The following PRDM1 variants were observed in gnomAD, a reference collection of about 807,000 sequenced individuals.
The protein encoded by PRDM1 is PR domain zinc finger protein 1.
PRDM1 carries 13 observed loss-of-function variants against 62.8 expected under a neutral mutation model. The ratio of observed to expected loss-of-function variants is 0.21; its 90% confidence interval spans 0.13 to 0.33. The LOEUF is 0.33. Ranked by LOEUF, PRDM1 falls within the 10% of genes least tolerant of loss-of-function variation. PRDM1 has a pLI of 1.00. For missense variants in PRDM1, 895 were observed against 1,058.8 expected, an observed-to-expected ratio of 0.85 and a Z score of 2.15; for synonymous variants, 396 against 417.6, an observed-to-expected ratio of 0.95 and a Z score of 0.63.
At chr6:106,003,145 C>T (rs946493872) in intron 1 of PRDM1, among the ~76,000 whole-genome samples, 1 of 152,178 alleles carries the variant, frequency 6.6e-6, no homozygotes, top group African/African-American at 2.4e-5. Flanking sequence ...TTCATTCACT[C>T]ATCATACATA....
intron 1 of PRDM1, among the ~76,000 whole-genome samples, chr6:106,074,335 C>T (rs72941674): frequency 0.069 from 10,539 of 152,206 alleles, 500 homozygotes; most frequent in Middle Eastern, 0.11. Flanking sequence ...TAATTTCCCA[C>T]GTACCAAACA....
intron 1 of PRDM1, among the ~76,000 whole-genome samples, chr6:106,080,021 G>A (rs1357057580): frequency 1.3e-5 from 2 of 152,200 alleles, no homozygotes; most frequent in Non-Finnish European, 2.9e-5. Context: ...TTGGATTCTA[G>A]GAGATTCTGG....
intron 1 of PRDM1, among the ~76,000 whole-genome samples, chr6:106,065,244 T>A (rs2114596200): frequency 6.6e-6 from 1 of 152,300 alleles, no homozygotes; most frequent in African/African-American, 2.4e-5. Flanking sequence ...GCAATCCTCC[T>A]GCCTCAGCCT....
intron 1 of PRDM1, among the ~76,000 whole-genome samples, chr6:106,070,590 G>C (rs1025074703): frequency 3.2e-5 from 4 of 123,448 alleles, no homozygotes; most frequent in Admixed American, 9.8e-5. Context: ...TTTGGTCAAA[G>C]GTTATAAATC....
rs1374309619 is a variant in PRDM1, at chr6:106,088,339, A to G, written c.181A>G (p.Ile61Val). 1 of 1,614,142 alleles carries G rather than the reference A, an allele frequency of 6.2e-7. No homozygotes were observed. Among genetic ancestry groups the G allele is most frequent in the Non-Finnish European group, 8.5e-7 (1 of 1,180,028 alleles). The change falls in exon 2 of 7, where the codon ATT becomes GTT. Residue 61 changes from isoleucine to valine, a missense_variant. Transcript: ENST00000369096. The stretch of plus-strand genomic sequence containing the variant: ...TGAGTTTGAAGAGAAGTGTACATAC[A>G]TTGTGAACGACCACCCCTGGGATTC... ...EAEFEEKCTY[I>V]VNDHPWDSGA...
intron 1 of PRDM1, among the ~76,000 whole-genome samples, chr6:106,067,370 T>C (rs1274688524): frequency 1.3e-5 from 2 of 152,150 alleles, no homozygotes; most frequent in African/African-American, 4.8e-5. Flanking sequence ...AAGCTAAATA[T>C]AGAATTACCA....
At chr6:106,005,213 G>C (rs1303354119) in intron 1 of PRDM1, among the ~76,000 whole-genome samples, 1 of 152,214 alleles carries the variant, frequency 6.6e-6, no homozygotes, top group East Asian at 1.9e-4. Flanking sequence ...CCATTTTCAT[G>C]TGCTAATGAA....
Position 106,022,935 on chromosome 6 carries a change from T to G in PRDM1, c.-67+29296T>G, listed in dbSNP as rs116515638. Among the ~76,000 whole-genome samples, 1,133 of 152,310 alleles carry G rather than the reference T, an allele frequency of 7.4e-3. 10 individuals are homozygous for G. The highest frequency in any genetic ancestry group is 0.026 in the African/African-American group (1,077 of 41,548). On this transcript the variant is annotated intron_variant, in intron 1 of 6. Transcript: ENST00000652320. ...CCATGAATACTAATTAAGGAGCTGT[T>G]CAGGGTCTTTGCCCTTCAGTCTAAA...
At chr6:105,996,543 C>G (rs188419587) in intron 1 of PRDM1, among the ~76,000 whole-genome samples, 104 of 152,206 alleles carry the variant, frequency 6.8e-4, no homozygotes, top group African/African-American at 2.4e-3. Flanking sequence ...AATACGTTTT[C>G]TATAGCATTC....
chr6:106,073,335 C>G (rs1012147375), intron 1 of PRDM1, among the ~76,000 whole-genome samples: 1 of 152,028 alleles, frequency 6.6e-6, no homozygotes, highest in Admixed American at 6.6e-5. Context: ...GGCTGATTTC[C>G]AACTCCTGAC....
intron 1 of PRDM1, among the ~76,000 whole-genome samples, chr6:106,019,828 C>T (rs1313947961): frequency 3.3e-5 from 5 of 151,354 alleles, no homozygotes; most frequent in East Asian, 2.0e-4. Flanking sequence ...TTAGTAGAGA[C>T]GGGGTTTCAC....
chr6:106,090,029 A>G (rs1465979459), intron 2 of PRDM1, among the ~76,000 whole-genome samples: 1 of 152,180 alleles, frequency 6.6e-6, no homozygotes, highest in African/African-American at 2.4e-5. Context: ...TTAAAATCAT[A>G]GCTAAGTCAA....
upstream of PRDM1, among the ~76,000 whole-genome samples, chr6:106,044,357 C>A (rs1312910251): frequency 6.6e-6 from 1 of 152,064 alleles, no homozygotes; most frequent in Non-Finnish European, 1.5e-5. Context: ...TAAATTTTGG[C>A]ACTAGGTATT....
At chr6:106,058,812 C>T (rs778913050) in intron 1 of PRDM1, among the ~76,000 whole-genome samples, 5 of 152,100 alleles carry the variant, frequency 3.3e-5, no homozygotes, top group South Asian at 2.1e-4. Context: ...TCAGGTGATC[C>T]GCCTGCCTCA....
At chr6:106,054,351 G>A (rs139023783) in intron 1 of PRDM1, among the ~76,000 whole-genome samples, 2 of 152,012 alleles carry the variant, frequency 1.3e-5, no homozygotes, top group East Asian at 3.9e-4. Context: ...TATACCTGGT[G>A]TATTTGTATA....
intron 2 of PRDM1, among the ~76,000 whole-genome samples, chr6:106,094,667 C>T (rs1022304951): frequency 6.6e-6 from 1 of 152,056 alleles, no homozygotes; most frequent in Non-Finnish European, 1.5e-5. Flanking sequence ...CTTTGGGAGG[C>T]CGAGGTGGGA....
At chr6:106,006,657 T>G (rs1254123586) in intron 1 of PRDM1, among the ~76,000 whole-genome samples, 2 of 151,936 alleles carry the variant, frequency 1.3e-5, no homozygotes, top group Non-Finnish European at 2.9e-5. Context: ...TCCTCAGGGT[T>G]TGGGTGGTAC....
chr6:106,085,030 A>G (rs1008760804), upstream of PRDM1, among the ~76,000 whole-genome samples: 1 of 152,252 alleles, frequency 6.6e-6, no homozygotes, highest in Admixed American at 6.5e-5. Context: ...AAGTTTTCTA[A>G]AAGTGAGAAA....
At chr6:106,070,935 A>G (rs973299072) in intron 1 of PRDM1, among the ~76,000 whole-genome samples, 4 of 152,220 alleles carry the variant, frequency 2.6e-5, no homozygotes, top group African/African-American at 9.6e-5. Context: ...TCTTTGAACA[A>G]CCATGATTTG....
Sources: gnomAD v4.1 joint callset for allele counts (sites outside exome capture counted in the v4.1 genomes callset) on GRCh38, gnomAD v4.1.1 for gene constraint, MANE v1.5 for transcripts, NCBI Gene and HGNC (gene_info 2026-07-23, HGNC 2026-07-21) for gene names.